Variants in CYP7B1 observed in about 807,000 individuals in gnomAD.
CYP7B1 encodes cytochrome P450 family 7 subfamily B member 1.
CYP7B1 carries 29 observed loss-of-function variants against 42.7 expected under a neutral mutation model. That is an observed-to-expected ratio of 0.68 (90% CI 0.51 to 0.93). CYP7B1 has a LOEUF of 0.93. CYP7B1 is among the 40% of genes least tolerant of loss of function. The pLI, the probability that CYP7B1 is intolerant of heterozygous loss-of-function variation, is 0.00. For synonymous variants in CYP7B1, 235 were observed against 218.2 expected (o/e 1.08, Z -0.68); for missense variants, 655 against 600.5 (o/e 1.09, Z -0.95).
chr8:64,749,651 T>C (rs1312553173), intron 1 of CYP7B1, among the ~76,000 whole-genome samples: 1 of 152,220 alleles, frequency 6.6e-6, no homozygotes, highest in Non-Finnish European at 1.5e-5. Flanking sequence ...TATATTTCTA[T>C]GGTCCAAAGA....
At chr8:64,645,913 T>C (rs933366229) in intron 1 of CYP7B1, among the ~76,000 whole-genome samples, 3 of 152,158 alleles carry the variant, frequency 2.0e-5, no homozygotes, top group African/African-American at 7.2e-5. Flanking sequence ...AACTATCTGA[T>C]CTTTGACAAA....
intron 1 of CYP7B1, 151 bp downstream of exon 1, chr8:64,798,315 T>G: frequency 8.4e-7 from 1 of 1,185,872 alleles, no homozygotes; most frequent in African/African-American, 1.6e-5. Flanking sequence ...AAGCCTTTGT[T>G]ATTACAAAGT....
chr8:64,661,537 T>C (rs1189245931), intron 1 of CYP7B1, among the ~76,000 whole-genome samples: 2 of 152,218 alleles, frequency 1.3e-5, no homozygotes, highest in South Asian at 2.1e-4. Context: ...TATATCCAGA[T>C]GGTTTTCATT....
At chr8:64,693,437 C>T (rs924431278) in intron 1 of CYP7B1, among the ~76,000 whole-genome samples, 3 of 152,208 alleles carry the variant, frequency 2.0e-5, no homozygotes, top group Admixed American at 1.3e-4. Context: ...TCCCTCTTAT[C>T]CAGACAGCAT....
At chr8:64,692,160 T>G (rs556081702) in intron 1 of CYP7B1, among the ~76,000 whole-genome samples, 3 of 152,346 alleles carry the variant, frequency 2.0e-5, no homozygotes, top group African/African-American at 2.4e-5. Flanking sequence ...TCTATTCTCA[T>G]GAAGCAGCCT....
chr8:64,613,391 A>G (rs973389328), intron 4 of CYP7B1, among the ~76,000 whole-genome samples: 7 of 152,168 alleles, frequency 4.6e-5, no homozygotes, highest in African/African-American at 1.7e-4. Context: ...TTGAAAGTAA[A>G]AAGAGTGGAT....
intron 1 of CYP7B1, among the ~76,000 whole-genome samples, chr8:64,789,809 G>A (rs760879422): frequency 7.2e-5 from 11 of 152,150 alleles, no homozygotes; most frequent in Non-Finnish European, 1.6e-4. Context: ...GTGGTGAATC[G>A]CCACTCCAGA....
intron 1 of CYP7B1, among the ~76,000 whole-genome samples, chr8:64,711,329 G>T (rs1807076136): frequency 6.6e-6 from 1 of 152,180 alleles, no homozygotes; most frequent in Non-Finnish European, 1.5e-5. Context: ...TTTCACAGCT[G>T]CATGGTAAAC....
rs143988144 is a variant in CYP7B1 at position 64,706,379 on chromosome 8, G to T, written c.123-81840C>A. ...TTAAACTAGGAGGATGGTTGTTCCTGAAACAATCATTCTTTCCATAGACTA... is the reference window on the plus strand; with the variant it reads ...TTAAACTAGGAGGATGGTTGTTCCTTAAACAATCATTCTTTCCATAGACTA... On this transcript the variant is annotated intron_variant, in intron 1 of 5. Transcript: ENST00000310193. Among the ~76,000 whole-genome samples, 14 of 152,102 alleles carry T rather than the reference G, an allele frequency of 9.2e-5. No individual in the cohort carries two copies. The East Asian group carries it at 2.5e-3, about 27-fold the overall frequency.
At chr8:64,794,805 C>A (rs1025881729) in intron 1 of CYP7B1, among the ~76,000 whole-genome samples, 1 of 152,172 alleles carries the variant, frequency 6.6e-6, no homozygotes, top group Non-Finnish European at 1.5e-5. Context: ...TTCACCTTGA[C>A]AAAGAGTAAA....
At chr8:64,601,812 C>T (rs1022432081) in intron 5 of CYP7B1, among the ~76,000 whole-genome samples, 7 of 152,132 alleles carry the variant, frequency 4.6e-5, no homozygotes, top group African/African-American at 1.7e-4. Flanking sequence ...GGTCTAAATG[C>T]TTGCAAGAGC....
chr8:64,774,552 C>T (rs1244271400), intron 1 of CYP7B1, among the ~76,000 whole-genome samples: 1 of 152,096 alleles, frequency 6.6e-6, no homozygotes, highest in Non-Finnish European at 1.5e-5. Flanking sequence ...CATATAAAAA[C>T]ACTGACAAAT....
intron 1 of CYP7B1, among the ~76,000 whole-genome samples, chr8:64,790,196 C>T (rs201369689): frequency 6.6e-6 from 1 of 152,124 alleles, no homozygotes; most frequent in Non-Finnish European, 1.5e-5. Context: ...GGCTAGAAGA[C>T]CCCAAATCCT....
intron 1 of CYP7B1, among the ~76,000 whole-genome samples, chr8:64,794,544 A>G (rs2129732762): frequency 6.6e-6 from 1 of 152,306 alleles, no homozygotes; most frequent in South Asian, 2.1e-4. Flanking sequence ...ATAAATGGCC[A>G]TCTTCTTGCT....
chr8:64,626,839 C>A (rs1223130448), intron 1 of CYP7B1, among the ~76,000 whole-genome samples: 1 of 152,218 alleles, frequency 6.6e-6, no homozygotes, highest in Non-Finnish European at 1.5e-5. Flanking sequence ...ACATGCAGTG[C>A]AACTCATTTT....
At chr8:64,708,631 G>C (rs555435518) in intron 1 of CYP7B1, among the ~76,000 whole-genome samples, 1 of 152,162 alleles carries the variant, frequency 6.6e-6, no homozygotes, top group Admixed American at 6.5e-5. Context: ...TGGTCATGAG[G>C]ACTTTTAAAC....
intron 1 of CYP7B1, among the ~76,000 whole-genome samples, chr8:64,676,776 T>C (rs1806452099): frequency 6.6e-6 from 1 of 152,130 alleles, no homozygotes; most frequent in Non-Finnish European, 1.5e-5. Flanking sequence ...TTTCTTTGAC[T>C]AGTTCACGGC....
chr8:64,597,889 G>C (rs1805141836), intron 5 of CYP7B1, among the ~76,000 whole-genome samples: 1 of 152,192 alleles, frequency 6.6e-6, no homozygotes, highest in South Asian at 2.1e-4. Context: ...ACTTTGATAT[G>C]ACCTACATGA....
intron 1 of CYP7B1, among the ~76,000 whole-genome samples, chr8:64,661,664 A>C (rs550570645): frequency 6.6e-6 from 1 of 152,326 alleles, no homozygotes; most frequent in Admixed American, 6.5e-5. Context: ...TCACAGCTCC[A>C]GCAGGACTTC....
Sources: gnomAD v4.1 joint callset for allele counts (sites outside exome capture counted in the v4.1 genomes callset) on GRCh38, gnomAD v4.1.1 for gene constraint, MANE v1.5 for transcripts, NCBI Gene and HGNC (gene_info 2026-07-23, HGNC 2026-07-21) for gene names.